TTN: variants seen among roughly 807,000 people sequenced by gnomAD.
The protein encoded by TTN is connectin.
Under a neutral mutation model 3,223.0 loss-of-function variants are expected in TTN, and 1,525 were observed. The observed-to-expected ratio is 0.47, with a 90% CI of 0.45 to 0.49. The LOEUF (loss-of-function observed/expected upper bound fraction) is 0.49, where lower values mean the gene tolerates loss of function less well. Among genes scored for constraint, TTN ranks in the 20% least tolerant of loss-of-function variants. TTN has a pLI of 0.00. For missense variants in TTN, 40,786 were observed against 43,424.0 expected (o/e 0.94, Z 5.40); for synonymous variants, 14,094 against 15,161.0 (o/e 0.93, Z 5.17).
intron 100 of TTN, 75 bp downstream of exon 100, chr2:178,707,451 A>T: frequency 6.9e-7 from 1 of 1,454,578 alleles, no homozygotes. Context: ...TTCCATTTCT[A>T]GGGAAATCAT....
intron 43 of TTN, among the ~76,000 whole-genome samples, chr2:178,761,814 T>C (rs1418812078): frequency 6.6e-6 from 1 of 152,224 alleles, no homozygotes; most frequent in African/African-American, 2.4e-5. Context: ...CTTAAATGAA[T>C]AACAGACAAT....
At position 178,531,601 on chromosome 2, in the gene TTN, T is replaced by A. The variant is rs1405155158; in HGVS notation, c.105014A>T (p.His35005Leu). 6.2e-7 allele frequency: 1 copy of A among 1,613,986 alleles called. No individual in the cohort carries two copies. Among genetic ancestry groups the A allele is most frequent in the African/African-American group, 1.3e-5 (1 of 75,046 alleles). Residue 35005 changes from histidine to leucine, a missense_variant, in exon 358 of 363, where the codon CAT becomes CTT. His to Leu is a moderately conservative substitution (Grantham distance 99). Coordinates refer to ENST00000589042, the MANE Select transcript of TTN (RefSeq NM_001267550.2). ...GVLTLEILDCHTDDSGTYRAV... is the reference protein window; with the variant it reads ...GVLTLEILDCLTDDSGTYRAV... ...ACGGTAGGTTCCACTGTCATCAGTA[T>A]GACAGTCCAGAATTTCCAGGGTGAG...
chr2:178,732,866 C>T lies in TTN; in HGVS notation c.16310G>A (p.Ser5437Asn), dbSNP rs794727755. The change falls in exon 55 of 363, where the codon AGC becomes AAC. Residue 5437 changes from serine (S) to asparagine (N), a missense_variant. Coordinates refer to ENST00000589042, the MANE Select transcript of TTN (RefSeq NM_001267550.2). The stretch of plus-strand genomic sequence containing the variant: ...AATCAGGGCTCCACTGCTGTCTTTG[C>T]TTCCCACGGAATTTGTGGCTCGACA... ...FTCRATNSVG[S>N]KDSSGALIVQ... 1.9e-5 allele frequency: 31 copies of T among 1,612,954 alleles called. No homozygotes were observed. The highest frequency in any genetic ancestry group is 2.6e-5 in the Non-Finnish European group (31 of 1,179,348).
Position 178,566,390 on chromosome 2 carries a change from A to C in TTN, c.79742T>G (p.Val26581Gly). Residue 26581 changes from valine to glycine, a missense_variant, in exon 326 of 363, where the codon GTG becomes GGG. Physicochemically the swap from Val to Gly is moderately radical, Grantham distance 109. Transcript: ENST00000589042. ...TGCTTCAAGTTTATCTTCTGGTTTC[A>C]CAGTACCAGGAACTGATGTAGCCTC... ...LGEATSVPGT[V>G]KPEDKLEAPE... 1 of 1,613,446 alleles carries C rather than the reference A, an allele frequency of 6.2e-7. No individual in the cohort carries two copies. Among genetic ancestry groups the C allele is most frequent in the Non-Finnish European group, 8.5e-7 (1 of 1,179,658 alleles).
At chr2:178,758,026 T>A (rs921008385) in intron 44 of TTN, 110 bp from the exon 45 acceptor site, 23 of 1,205,352 alleles carry the variant, frequency 1.9e-5, no homozygotes, top group Non-Finnish European at 2.3e-5. Context: ...TAGAATTCAG[T>A]CCACTCCTAC....
chr2:178,611,081 CTT>C lies in TTN; in HGVS notation c.51046_51047del (p.Lys17016GlufsTer16). The C allele has an allele frequency of 1.2e-6, 2 of 1,612,872 alleles. No homozygotes were observed. Among genetic ancestry groups the C allele is most frequent in the Non-Finnish European group, 8.5e-7 (1 of 1,179,226 alleles). On this transcript the variant is annotated frameshift_variant, in exon 270 of 363. Transcript: ENST00000589042. LOFTEE classifies it high-confidence loss of function. ...DHISAHLEVP[K>X]SVRADAGIYT... ...AAATTCCGGCATCTGCACGGACACT[CTT>C]GGGAACTTCAAGGTGTGCAGAGATG...
At chr2:178,628,855 C>A (rs1333860279) in intron 240 of TTN, 1 of 156,144 alleles carries the variant, frequency 6.4e-6, no homozygotes, top group African/African-American at 2.4e-5. Context: ...ACTACTTGAT[C>A]AACTGCCCGA....
intron 10 of TTN, among the ~76,000 whole-genome samples, chr2:178,791,148 G>T (rs953509527): frequency 2.0e-5 from 3 of 152,172 alleles, no homozygotes; most frequent in Admixed American, 2.0e-4. Context: ...AAAACCATAG[G>T]CCAGCTGAAC....
In TTN at chr2:178,681,439, C is replaced by A. The variant is rs777755637; in HGVS notation, c.33184G>T (p.Ala11062Ser). The change falls in exon 137 of 363, where the codon GCT (alanine) becomes TCT (serine). Residue 11062 changes from alanine to serine, a missense_variant. Transcript: ENST00000589042. ...ACTGGTACTTTTTCTTCAGGGACAG[C>A]TTTCTTCAGCACTTCAAAATATCAA... Reference protein sequence around the residue: ...KAPPAKVLKKAVPEEKVPVPI... With the variant: ...KAPPAKVLKKSVPEEKVPVPI... 6.2e-7 allele frequency: 1 copy of A among 1,610,412 alleles called. No homozygotes were observed. Among genetic ancestry groups the A allele is most frequent in the East Asian group, 2.2e-5 (1 of 44,836 alleles).
intron 12 of TTN, 102 bp from the exon 13 acceptor site, chr2:178,789,599 G>C (rs2154353409): frequency 1.4e-6 from 2 of 1,449,350 alleles, no homozygotes; most frequent in East Asian, 2.4e-5. Context: ...TGGTTATTCA[G>C]GGTTAAATAC....
At chr2:178,616,345 A>T in intron 257 of TTN, 134 bp downstream of exon 257, 2 of 1,233,356 alleles carry the variant, frequency 1.6e-6, no homozygotes, top group Non-Finnish European at 2.3e-6. Flanking sequence ...TGCATTCTTA[A>T]AAAGTTTTTG....
At chr2:178,641,111 G>A (rs2061180711) in intron 220 of TTN, 130 bp downstream of exon 220, 1 of 621,826 alleles carries the variant, frequency 1.6e-6, no homozygotes, top group Non-Finnish European at 2.7e-6. Context: ...ATGGAAAACA[G>A]AGACTACATC....
At chr2:178,550,886 T>C (rs1244857441) in intron 336 of TTN, 81 bp downstream of exon 336, 15 of 1,360,602 alleles carry the variant, frequency 1.1e-5, no homozygotes, top group Non-Finnish European at 1.5e-5. Flanking sequence ...TCTGTTACCA[T>C]TTTACAGGCC....
chr2:178,685,174 AAGAC>A, intron 129 of TTN, 75 bp downstream of exon 129: 1 of 1,317,532 alleles, frequency 7.6e-7, no homozygotes, highest in Non-Finnish European at 1.0e-6. Flanking sequence ...TGTTATGCAT[AAGAC>A]AGTTATGCAA....
At chr2:178,628,352 A>G (rs919039236) in intron 240 of TTN, among the ~76,000 whole-genome samples, 5 of 152,076 alleles carry the variant, frequency 3.3e-5, no homozygotes, top group African/African-American at 2.4e-5. Flanking sequence ...AGATCTTTAT[A>G]GCACATTTAA....
Position 178,535,709 on chromosome 2 carries a change from T to C in TTN, c.100906A>G (p.Ile33636Val). 1.2e-6 allele frequency: 2 copies of C among 1,613,250 alleles called. No individual in the cohort carries two copies. The highest frequency in any genetic ancestry group is 1.7e-6 in the Non-Finnish European group (2 of 1,179,284). ...VITWQKGQDL[I>V]DNNGHYQVIV... is the part of the protein sequence containing the mutation. Reference sequence around the variant, plus strand: ...ACTTGGTAGTGGCCATTATTGTCAATGAGATCTTGTCCTTTCTGCCAGGTG... The same window carrying C: ...ACTTGGTAGTGGCCATTATTGTCAACGAGATCTTGTCCTTTCTGCCAGGTG... The change falls in exon 358 of 363, where the codon ATT (isoleucine) becomes GTT (valine). Residue 33636 changes from isoleucine (I) to valine (V), a missense_variant. By Grantham distance (29) the Ile-to-Val change is conservative (BLOSUM62 3). Transcript: ENST00000589042.
intron 47 of TTN, chr2:178,751,930 A>G (rs770685040): frequency 5.0e-6 from 8 of 1,589,120 alleles, no homozygotes; most frequent in African/African-American, 1.4e-5. Context: ...ATGATATTCT[A>G]CTTGCATATC....
At position 178,647,119 on chromosome 2, in the gene TTN, T is replaced by C. The variant is rs182474979; in HGVS notation, c.40167A>G (p.Ile13389Met). 1.4e-6 allele frequency: 2 copies of C among 1,440,422 alleles called. No homozygotes were observed. The highest frequency in any genetic ancestry group is 5.8e-5 in the Admixed American group (2 of 34,758). 89.2% of individuals were successfully genotyped at this position (1,440,422 alleles called of 1,614,324 possible). A position where few individuals can be genotyped will look rare whatever the true frequency, so the allele number is the denominator to read the frequency against. Residue 13389 changes from isoleucine (I) to methionine (M), a missense_variant, in exon 215 of 363, where the codon ATA becomes ATG. Coordinates refer to ENST00000589042, the MANE Select transcript of TTN (RefSeq NM_001267550.2). ...AEVEETPEEI[I>M]YEEKASITIG... Reference sequence around the variant, plus strand: ...TGGTTATAGATGCTTTTTCTTCATATATTATTTCCTCAGGAGTCTCTTCAA... The same window carrying C: ...TGGTTATAGATGCTTTTTCTTCATACATTATTTCCTCAGGAGTCTCTTCAA...
chr2:178,790,874 A>G, intron 10 of TTN, 29 bp from the exon 11 acceptor site: 1 of 1,613,240 alleles, frequency 6.2e-7, no homozygotes, highest in South Asian at 1.1e-5. Flanking sequence ...TAAAGATTTG[A>G]GTTTCAAAAG....
Sources: gnomAD v4.1 joint callset for allele counts (sites outside exome capture counted in the v4.1 genomes callset) on GRCh38, gnomAD v4.1.1 for gene constraint, MANE v1.5 for transcripts, NCBI Gene and HGNC (gene_info 2026-07-23, HGNC 2026-07-21) for gene names.